LARS1: variants seen among roughly 807,000 people sequenced by gnomAD.
The protein encoded by LARS1 is leucine--tRNA ligase, cytoplasmic.
In LARS1, 100 loss-of-function variants were observed where a neutral mutation model predicts 162.8. That is an observed-to-expected ratio of 0.61 (90% CI 0.52 to 0.73). LARS1 has a LOEUF of 0.73. LARS1 is among the 30% of genes least tolerant of loss of function. The probability of loss-of-function intolerance (pLI) is 0.00; values close to 1 mark genes in which losing one functional copy is unlikely to be tolerated. For synonymous variants in LARS1, 457 were observed against 462.8 expected (o/e 0.99, Z 0.16); for missense variants, 1,258 against 1,408.9 (o/e 0.89, Z 1.71).
chr5:146,174,503 T>TATATATCC (rs1754436680), intron 2 of LARS1, among the ~76,000 whole-genome samples: 2 of 12,538 alleles, frequency 1.6e-4, no homozygotes, highest in Non-Finnish European at 2.7e-4. Context: ...TATATATCCA[T>TATATATCC]ATATATATAT....
chr5:146,158,908 A>G (rs548813987), intron 8 of LARS1, among the ~76,000 whole-genome samples: 1 of 152,246 alleles, frequency 6.6e-6, no homozygotes, highest in South Asian at 2.1e-4. Context: ...CATCCTGGCT[A>G]ACACGGTGAA....
intron 6 of LARS1, among the ~76,000 whole-genome samples, chr5:146,162,826 T>G (rs540847887): frequency 6.6e-6 from 1 of 152,360 alleles, no homozygotes; most frequent in African/African-American, 2.4e-5. Flanking sequence ...ATTTGCTGCT[T>G]CACCTTGCAG....
At chr5:146,144,793 T>C in intron 15 of LARS1, 84 bp from the exon 16 acceptor site, 3 of 1,220,548 alleles carry the variant, frequency 2.5e-6, no homozygotes, top group South Asian at 1.3e-5. Flanking sequence ...TTTAAAAAAA[T>C]GCTATACCAC....
chr5:146,141,042 T>C (rs1389295331), intron 20 of LARS1, among the ~76,000 whole-genome samples: 2 of 152,196 alleles, frequency 1.3e-5, no homozygotes, highest in African/African-American at 2.4e-5. Context: ...TTTTGGGAAA[T>C]AGAGTAGTGT....
At position 146,151,913 on chromosome 5, in the gene LARS1, T is replaced by C. The variant is rs1561817586; in HGVS notation, c.1374A>G (p.Glu458=). 2.5e-6 allele frequency: 4 copies of C among 1,614,190 alleles called. No homozygotes were observed. In the Middle Eastern group the frequency reaches 4.9e-4, roughly 200 times the overall value. ...TCTTCTCCTTTGCTTCTGCAAGTTT[T>C]TCCCGGTCATTCTGGCTCTGAATTT... ...ELKIQSQNDR[E]KLAEAKEKIY... The change falls in exon 14 of 32, where the codon GAA becomes GAG. Residue 458 remains glutamate (E), a synonymous_variant. Coordinates refer to ENST00000394434, the MANE Select transcript of LARS1 (RefSeq NM_020117.11).
chr5:146,177,483 A>AATATATAT lies in LARS1; in HGVS notation c.125+56_125+63dup, dbSNP rs36005893. On this transcript the variant is annotated intron_variant, in intron 2 of 31. Transcript: ENST00000394434. ...TCCGTCTCAAAAAAAAAAAAAAAAA[A>AATATATAT]ATATATATATATATATATATATATA... 35 of 120,706 alleles carry AATATATAT rather than the reference A, an allele frequency of 2.9e-4. 1 individual carries two copies. The highest frequency in any genetic ancestry group is 4.3e-4 in the African/African-American group (12 of 27,686). The allele number at this position is 120,706 out of a possible 1,614,324, so 7.5% of individuals were successfully genotyped here. A position where few individuals can be genotyped will look rare whatever the true frequency, so the allele number is the denominator to read the frequency against.
intron 15 of LARS1, among the ~76,000 whole-genome samples, chr5:146,146,160 G>C (rs1752994475): frequency 6.6e-6 from 1 of 152,094 alleles, no homozygotes; most frequent in Non-Finnish European, 1.5e-5. Flanking sequence ...GTCCAACATG[G>C]AGAAACCCCG....
intron 2 of LARS1, among the ~76,000 whole-genome samples, chr5:146,175,061 A>T (rs987291968): frequency 6.6e-6 from 1 of 152,090 alleles, no homozygotes; most frequent in African/African-American, 2.4e-5. Context: ...TCTACTAAAA[A>T]TAGAAAAATT....
Position 146,153,979 on chromosome 5 carries a change from T to C in LARS1, c.1067A>G (p.Glu356Gly). ...TGCAGAAAGTGATGCACCAAGAATT[T>C]CCTGCATAAGAAAAAAATCAATATA... ...VPVVKELMGE[E>G]ILGASLSAPL... Residue 356 changes from glutamate (E) to glycine (G), a missense_variant and splice_region_variant, in exon 11 of 32, where the codon GAA (glutamate) becomes GGA (glycine). Physicochemically the swap from Glu to Gly is moderately conservative, Grantham distance 98 (BLOSUM62 -2). Transcript: ENST00000394434. The C allele has an allele frequency of 6.3e-7, 1 of 1,595,366 alleles. No individual in the cohort carries two copies. The highest frequency in any genetic ancestry group is 8.5e-7 in the Non-Finnish European group (1 of 1,172,494).
intron 24 of LARS1, 64 bp downstream of exon 24, chr5:146,130,955 G>A: frequency 1.1e-6 from 1 of 893,482 alleles, no homozygotes; most frequent in Non-Finnish European, 1.7e-6. Flanking sequence ...GAAGAAAAAA[G>A]GGGGAAAATA....
chr5:146,117,004 C>T (rs1457564451), intron 31 of LARS1, among the ~76,000 whole-genome samples: 1 of 152,192 alleles, frequency 6.6e-6, no homozygotes, highest in South Asian at 2.1e-4. Context: ...TAGATCTCTT[C>T]TGCAGATACT....
intron 31 of LARS1, 127 bp from the exon 32 acceptor site, chr5:146,114,438 T>C: frequency 7.6e-6 from 6 of 791,460 alleles, no homozygotes; most frequent in Non-Finnish European, 1.2e-5. Flanking sequence ...CTTCAGATTA[T>C]TAAATAAAAG....
At chr5:146,180,017 G>C (rs1365331272) in intron 1 of LARS1, among the ~76,000 whole-genome samples, 1 of 152,208 alleles carries the variant, frequency 6.6e-6, no homozygotes, top group South Asian at 2.1e-4. Flanking sequence ...CAACAGGCAG[G>C]AACTTTTAAA....
chr5:146,130,951 A>G (rs1426068260), intron 24 of LARS1, 68 bp downstream of exon 24: 5 of 880,390 alleles, frequency 5.7e-6, no homozygotes, highest in South Asian at 3.8e-5. Flanking sequence ...GCAGGAAGAA[A>G]AAAGGGGGAA....
chr5:146,115,046 GAAAAAAAAAAA>G (rs35008800), intron 31 of LARS1, among the ~76,000 whole-genome samples: 1 of 97,634 alleles, frequency 1.0e-5, no homozygotes, highest in Non-Finnish European at 2.0e-5. Context: ...CTGTCGGGGG[GAAAAAAAAAAA>G]AAAAAAAAAA....
chr5:146,146,532 C>T (rs1484082603), intron 15 of LARS1, among the ~76,000 whole-genome samples: 2 of 26,490 alleles, frequency 7.6e-5, no homozygotes, highest in South Asian at 3.6e-3. Flanking sequence ...ATGCCAGAAC[C>T]AAAAAAAAAA....
In LARS1 at chr5:146,144,297, C is replaced by G. The variant is rs755231088; in HGVS notation, c.1708G>C (p.Glu570Gln). The G allele has an allele frequency of 6.2e-7, 1 of 1,613,072 alleles. No homozygotes were observed. The highest frequency in any genetic ancestry group is 8.5e-7 in the Non-Finnish European group (1 of 1,179,782). The change falls in exon 18 of 32, where the codon GAA becomes CAA. Residue 570 changes from glutamate to glutamine, a missense_variant. Transcript: ENST00000394434. ...CCATAAGTTCTTGAGCAAGCATGTTCTTGTAGCCAACCTAAGGTGGCTTCA... is the reference window on the plus strand; with the variant it reads ...CCATAAGTTCTTGAGCAAGCATGTTGTTGTAGCCAACCTAAGGTGGCTTCA... ...NFEATLGWLQ[E>Q]HACSRTYGLG...
intron 3 of LARS1, among the ~76,000 whole-genome samples, chr5:146,172,345 G>A (rs937725931): frequency 1.3e-5 from 2 of 151,906 alleles, no homozygotes; most frequent in African/African-American, 4.8e-5. Context: ...GTGAAATCCC[G>A]TGTCTACTAA....
At chr5:146,137,338 T>G (rs1412545451) in intron 21 of LARS1, among the ~76,000 whole-genome samples, 1 of 142,924 alleles carries the variant, frequency 7.0e-6, no homozygotes, top group African/African-American at 2.4e-5. Flanking sequence ...ATAAATAATT[T>G]TGTACTTTTT....
Sources: gnomAD v4.1 joint callset for allele counts (sites outside exome capture counted in the v4.1 genomes callset) on GRCh38, gnomAD v4.1.1 for gene constraint, MANE v1.5 for transcripts, NCBI Gene and HGNC (gene_info 2026-07-23, HGNC 2026-07-21) for gene names.